ACOXL: variants seen among roughly 807,000 people sequenced by gnomAD.
The protein encoded by ACOXL is acyl-CoA oxidase like.
ACOXL carries 70 observed loss-of-function variants against 71.9 expected under a neutral mutation model. The ratio of observed to expected loss-of-function variants is 0.97; its 90% CI spans 0.80 to 1.19. The LOEUF is 1.19. Ranked by LOEUF, ACOXL falls within the 50% of genes most tolerant of loss-of-function variation. ACOXL has a pLI of 0.00. For synonymous variants in ACOXL, 253 were observed against 281.6 expected, an observed-to-expected ratio of 0.90 and a Z score of 1.02; for missense variants, 703 against 736.3, an observed-to-expected ratio of 0.95 and a Z score of 0.52.
At chr2:110,805,490 C>G in intron 9 of ACOXL, 95 bp downstream of exon 9, 1 of 1,539,208 alleles carries the variant, frequency 6.5e-7, no homozygotes, top group Non-Finnish European at 8.9e-7. Context: ...TCTGGAGCCA[C>G]AGTTGGTATA....
At chr2:110,967,814 G>A (rs2061997945) in intron 12 of ACOXL, 1 of 885,324 alleles carries the variant, frequency 1.1e-6, no homozygotes, top group Non-Finnish European at 1.8e-6. Context: ...AGCCACGGAT[G>A]TGGGTCTCTG....
At chr2:110,733,013 C>G (rs1676365316) in intron 1 of ACOXL, 1 of 152,618 alleles carries the variant, frequency 6.6e-6, no homozygotes, top group South Asian at 2.1e-4. Context: ...TCCTCCCGAG[C>G]TCCCTCCCCC....
chr2:110,901,292 C>T (rs2059221785), intron 10 of ACOXL, among the ~76,000 whole-genome samples: 1 of 152,222 alleles, frequency 6.6e-6, no homozygotes, highest in South Asian at 2.1e-4. Context: ...GCTTTAGTGT[C>T]TGTGTTTGCA....
chr2:110,886,877 C>T (rs1311183577), intron 10 of ACOXL: 1 of 1,550,238 alleles, frequency 6.5e-7, no homozygotes, highest in African/African-American at 1.4e-5. Flanking sequence ...CTGGTTTTTG[C>T]TAACGTTTCT....
At chr2:110,917,648 GA>G (rs2059914589) in intron 11 of ACOXL, among the ~76,000 whole-genome samples, 1 of 152,228 alleles carries the variant, frequency 6.6e-6, no homozygotes, top group African/African-American at 2.4e-5. Context: ...TGTATATGTA[GA>G]AAACCCCATA....
chr2:110,760,454 C>G (rs1680255901), intron 1 of ACOXL, among the ~76,000 whole-genome samples: 1 of 152,146 alleles, frequency 6.6e-6, no homozygotes, highest in Non-Finnish European at 1.5e-5. Context: ...AATATTATAG[C>G]TAGTTATAAT....
chr2:110,951,321 C>A (rs2061327140), intron 12 of ACOXL, among the ~76,000 whole-genome samples: 1 of 152,114 alleles, frequency 6.6e-6, no homozygotes, highest in African/African-American at 2.4e-5. Flanking sequence ...AGTTAAAGTG[C>A]CATATTAATT....
intron 12 of ACOXL, among the ~76,000 whole-genome samples, chr2:110,962,311 A>G (rs1329829561): frequency 6.6e-6 from 1 of 152,264 alleles, no homozygotes; most frequent in Non-Finnish European, 1.5e-5. Context: ...ACCTGCTTTC[A>G]TGTGGTTTGC....
chr2:111,017,002 G>A (rs916673645), intron 14 of ACOXL, among the ~76,000 whole-genome samples: 1 of 152,174 alleles, frequency 6.6e-6, no homozygotes, highest in African/African-American at 2.4e-5. Flanking sequence ...AAATCAATGG[G>A]GACATGTGAC....
At chr2:110,963,095 G>C in intron 12 of ACOXL, among the ~76,000 whole-genome samples, 1 of 151,322 alleles carries the variant, frequency 6.6e-6, no homozygotes. Flanking sequence ...GGAAGTAAAA[G>C]GAAAAAAAAA....
chr2:111,003,806 C>T (rs1369461757), intron 14 of ACOXL, among the ~76,000 whole-genome samples: 1 of 152,066 alleles, frequency 6.6e-6, no homozygotes, highest in Non-Finnish European at 1.5e-5. Context: ...TCATTAAGCA[C>T]AGATAGTTTT....
intron 8 of ACOXL, among the ~76,000 whole-genome samples, chr2:110,803,450 G>A (rs1442851603): frequency 2.0e-5 from 3 of 152,132 alleles, no homozygotes; most frequent in African/African-American, 7.2e-5. Flanking sequence ...ATGGTGCTGG[G>A]ACAAACTAGA....
chr2:110,744,889 A>T (rs1476563243), intron 1 of ACOXL, among the ~76,000 whole-genome samples: 1 of 152,124 alleles, frequency 6.6e-6, no homozygotes, highest in Non-Finnish European at 1.5e-5. Context: ...ATTTTGAGGG[A>T]GACCACCTCT....
In ACOXL at chr2:111,064,232, C is replaced by G. The variant is rs1171449589; in HGVS notation, c.1440+14944C>G. On this transcript the variant is annotated intron_variant, in intron 16 of 17. Coordinates refer to ENST00000439055, the MANE Select transcript of ACOXL (RefSeq NM_001142807.4). ...TGGGTGGATCACGAGGTCAGGAGAT[C>G]GAGACCATCCTGGCTAACACAGTGA... 2.0e-5 allele frequency among the ~76,000 whole-genome samples: 3 copies of G among 152,150 alleles called. No individual in the cohort carries two copies. The East Asian group carries it at 5.8e-4, about 29-fold the overall frequency.
At chr2:110,885,700 G>A (rs1269633384) in intron 10 of ACOXL, among the ~76,000 whole-genome samples, 3 of 152,120 alleles carry the variant, frequency 2.0e-5, no homozygotes, top group Admixed American at 6.5e-5. Context: ...TAAGTGAAGC[G>A]ATGTCCTTTT....
In ACOXL at chr2:111,030,046, T is replaced by A. The variant is rs187209512; in HGVS notation, c.1282-1581T>A. Among the ~76,000 whole-genome samples, 536 of 146,814 alleles carry A rather than the reference T, an allele frequency of 3.7e-3. 5 individuals are homozygous for A. Among genetic ancestry groups the A allele is most frequent in the African/African-American group, 0.013 (516 of 40,120 alleles). ...AAAAACTTACTCTACACATTGAGTT[T>A]AAAAAAAAAAAGCAATTAAAAAGTG... On this transcript the variant is annotated intron_variant, in intron 14 of 17. Transcript: ENST00000439055.
chr2:110,887,910 G>A (rs1289354013), intron 10 of ACOXL: 9 of 152,098 alleles, frequency 5.9e-5, no homozygotes, highest in African/African-American at 1.4e-4. Flanking sequence ...ATTGGAGGGC[G>A]TCTGTTTACC....
intron 17 of ACOXL, among the ~76,000 whole-genome samples, chr2:111,109,702 A>T (rs1316995654): frequency 1.0e-5 from 1 of 96,500 alleles, no homozygotes; most frequent in Non-Finnish European, 2.0e-5. Flanking sequence ...TTTTTGAGAC[A>T]GAGTCTCGCT....
chr2:111,070,788 T>C (rs1265000622), intron 16 of ACOXL, among the ~76,000 whole-genome samples: 1 of 152,160 alleles, frequency 6.6e-6, no homozygotes, highest in African/African-American at 2.4e-5. Flanking sequence ...TACAGCTATG[T>C]TTCATCTTTT....
Sources: allele counts gnomAD v4.1 joint callset (sites outside exome capture counted in the v4.1 genomes callset), GRCh38; gene constraint gnomAD v4.1.1; transcripts MANE v1.5; gene names NCBI Gene and HGNC (gene_info 2026-07-23, HGNC 2026-07-21).